The following PHKB variants were observed in gnomAD, a reference collection of about 807,000 sequenced individuals.
PHKB encodes phosphorylase b kinase regulatory subunit beta.
Under a neutral mutation model 152.1 loss-of-function variants are expected in PHKB, and 122 were observed. The ratio of observed to expected loss-of-function variants is 0.80; its 90% CI spans 0.69 to 0.93. The LOEUF is 0.93. Among genes scored for constraint, PHKB ranks in the 40% least tolerant of loss-of-function variants. The pLI, the probability that PHKB is intolerant of heterozygous loss-of-function variation, is 0.00. For synonymous variants in PHKB, 436 were observed against 464.9 expected (o/e 0.94, Z 0.80); for missense variants, 1,304 against 1,328.4 (o/e 0.98, Z 0.29).
chr16:47,537,134 G>A (rs997345246), intron 6 of PHKB, among the ~76,000 whole-genome samples: 4 of 152,206 alleles, frequency 2.6e-5, no homozygotes, highest in African/African-American at 4.8e-5. Flanking sequence ...AAGAAGCAAT[G>A]TGAAAAATAG....
intron 14 of PHKB, among the ~76,000 whole-genome samples, chr16:47,633,834 C>T (rs1486626115): frequency 6.6e-6 from 1 of 152,166 alleles, no homozygotes; most frequent in Non-Finnish European, 1.5e-5. Flanking sequence ...AGGTAATATC[C>T]TAAATATTGC....
intron 14 of PHKB, among the ~76,000 whole-genome samples, chr16:47,631,933 A>G (rs773708071): frequency 1.3e-5 from 2 of 152,176 alleles, no homozygotes; most frequent in East Asian, 1.9e-4. Context: ...TAGTTCAACC[A>G]TTGAGGAAGT....
chr16:47,580,311 A>C lies in PHKB; in HGVS notation c.727A>C (p.Lys243Gln), dbSNP rs190737988. ...CTCTTTTAGCTCGGTTGGTTTAGCA[A>C]AAGCAGCTCTAGAAGCAATTAATGG... The part of the protein sequence containing the change: ...ELHSSSVGLA[K>Q]AALEAINGFN... The change falls in exon 8 of 31, where the codon AAA (lysine) becomes CAA (glutamine). Residue 243 changes from lysine (K) to glutamine (Q), a missense_variant. Physicochemically the swap from Lys to Gln is moderately conservative, Grantham distance 53 (BLOSUM62 1). Transcript: ENST00000323584. The C allele has an allele frequency of 1.1e-5, 18 of 1,613,008 alleles. No homozygotes were observed. The Admixed American group carries it at 3.0e-4, about 27-fold the overall frequency.
chr16:47,563,251 C>A (rs1971506641), intron 7 of PHKB, among the ~76,000 whole-genome samples: 2 of 150,442 alleles, frequency 1.3e-5, no homozygotes, highest in Admixed American at 1.3e-4. Context: ...CGAGTCCTTC[C>A]CTGATTTTCA....
chr16:47,635,679 A>G (rs963644955), intron 14 of PHKB, among the ~76,000 whole-genome samples: 1 of 152,184 alleles, frequency 6.6e-6, no homozygotes, highest in South Asian at 2.1e-4. Context: ...AGATCTTTCA[A>G]TCTAAAGTCT....
At chr16:47,484,410 ACT>A (rs1320376595) in intron 1 of PHKB, among the ~76,000 whole-genome samples, 1 of 152,182 alleles carries the variant, frequency 6.6e-6, no homozygotes, top group African/African-American at 2.4e-5. Context: ...AGAAACGTAG[ACT>A]CTAAATCTTG....
intron 6 of PHKB, chr16:47,529,634 C>G: frequency 6.6e-6 from 1 of 152,204 alleles, no homozygotes; most frequent in East Asian, 1.9e-4. Flanking sequence ...CATGAGCCAC[C>G]GCACCCAGCC....
At chr16:47,575,127 G>A (rs1459317705) in intron 7 of PHKB, among the ~76,000 whole-genome samples, 2 of 152,144 alleles carry the variant, frequency 1.3e-5, no homozygotes, top group African/African-American at 4.8e-5. Flanking sequence ...CTAATCATCA[G>A]AGAAATGCAA....
intron 7 of PHKB, among the ~76,000 whole-genome samples, chr16:47,576,078 A>AAAAACAAAAC (rs1018001597): frequency 2.1e-4 from 32 of 152,304 alleles, no homozygotes; most frequent in African/African-American, 7.2e-4. Context: ...CTCTGTCTCA[A>AAAAACAAAAC]AAAACAAAAC....
Position 47,461,413 on chromosome 16 carries a change from G to A in PHKB, c.63G>A (p.Arg21=), listed in dbSNP as rs1241444654. ...GGAAGGTCTTGGAGCGAAGAGCTCG[G>A]ACCAAGCGCTCAGGTTTGGCTGGCT... ...VSWKVLERRA[R]TKRSGSVYEP... The change falls in exon 1 of 31, where the codon CGG becomes CGA. Residue 21 remains arginine, a synonymous_variant. Coordinates refer to ENST00000323584, the MANE Select transcript of PHKB (RefSeq NM_000293.3). The A allele has an allele frequency of 6.2e-7, 1 of 1,613,188 alleles. No individual in the cohort carries two copies. The highest frequency in any genetic ancestry group is 8.5e-7 in the Non-Finnish European group (1 of 1,179,820).
chr16:47,485,614 T>C (rs1970035603), intron 1 of PHKB, among the ~76,000 whole-genome samples: 1 of 152,204 alleles, frequency 6.6e-6, no homozygotes. Flanking sequence ...CTGCTTTCTT[T>C]GGTTCGTTCG....
intron 7 of PHKB, among the ~76,000 whole-genome samples, chr16:47,558,135 C>CA (rs1277451593): frequency 6.8e-6 from 1 of 148,038 alleles, no homozygotes; most frequent in African/African-American, 2.5e-5. Context: ...ATCGCAAGGA[C>CA]AAAAAACCAA....
At chr16:47,604,974 G>A (rs551264855) in intron 13 of PHKB, among the ~76,000 whole-genome samples, 1 of 152,200 alleles carries the variant, frequency 6.6e-6, no homozygotes, top group African/African-American at 2.4e-5. Context: ...TTTCAGGATT[G>A]TCACTCTTCA....
intron 9 of PHKB, 63 bp from the exon 10 acceptor site, chr16:47,588,842 C>T (rs1217830691): frequency 1.4e-5 from 20 of 1,385,738 alleles, no homozygotes; most frequent in Admixed American, 8.4e-5. Flanking sequence ...CTATCATTCT[C>T]CTTGGGCTGT....
chr16:47,660,298 G>A (rs1036013218), intron 20 of PHKB, among the ~76,000 whole-genome samples: 3 of 152,086 alleles, frequency 2.0e-5, no homozygotes, highest in South Asian at 2.1e-4. Context: ...AACTTGTAAC[G>A]ATGTGTATAT....
intron 29 of PHKB, among the ~76,000 whole-genome samples, chr16:47,697,073 T>G (rs1380514381): frequency 6.6e-6 from 1 of 152,232 alleles, no homozygotes; most frequent in Non-Finnish European, 1.5e-5. Context: ...TGTGTCCTTT[T>G]GTCATGTTAA....
At chr16:47,567,573 G>T (rs1286530934) in intron 7 of PHKB, among the ~76,000 whole-genome samples, 1 of 152,170 alleles carries the variant, frequency 6.6e-6, no homozygotes, top group African/African-American at 2.4e-5. Flanking sequence ...CCAGTGCTAT[G>T]TTGAATAGAA....
At chr16:47,617,931 A>G (rs1213046996) in intron 14 of PHKB, among the ~76,000 whole-genome samples, 1 of 152,204 alleles carries the variant, frequency 6.6e-6, no homozygotes, top group Admixed American at 6.5e-5. Context: ...CTTGTTCTAT[A>G]TATTTGGAGA....
At position 47,584,213 on chromosome 16, in the gene PHKB, A is replaced by G. The variant is rs947595252; in HGVS notation, c.775-3455A>G. On this transcript the variant is annotated intron_variant, in intron 8 of 30. Coordinates refer to ENST00000323584, the MANE Select transcript of PHKB (RefSeq NM_000293.3). ...GGGGCAGAGCTACATTTAGAAACAT[A>G]TATAATCCTCAATATGGGAATCACA... is the stretch of plus-strand genomic sequence containing the variant. Among the ~76,000 whole-genome samples the G allele has an allele frequency of 1.1e-4, 16 of 152,160 alleles. 1 individual carries two copies. Among genetic ancestry groups the G allele is most frequent in the African/African-American group, 3.6e-4 (15 of 41,440 alleles).
Sources: allele counts gnomAD v4.1 joint callset (sites outside exome capture counted in the v4.1 genomes callset), GRCh38; gene constraint gnomAD v4.1.1; transcripts MANE v1.5; gene names NCBI Gene and HGNC (gene_info 2026-07-23, HGNC 2026-07-21).